The following DNER variants were observed in gnomAD, a reference collection of about 807,000 sequenced individuals.
DNER encodes delta and Notch-like epidermal growth factor-related receptor.
DNER carries 33 observed loss-of-function variants against 78.2 expected under a neutral mutation model. The observed-to-expected ratio is 0.42, with a 90% CI of 0.32 to 0.56. The LOEUF is 0.56. Ranked by LOEUF, DNER falls within the 20% of genes least tolerant of loss-of-function variation. The probability of loss-of-function intolerance (pLI) is 0.11; values close to 1 mark genes in which losing one functional copy is unlikely to be tolerated. For synonymous variants in DNER, 417 were observed against 384.8 expected (o/e 1.08, Z -0.98); for missense variants, 918 against 975.3 (o/e 0.94, Z 0.78).
At chr2:229,552,037 C>T (rs1411265117) in intron 4 of DNER, among the ~76,000 whole-genome samples, 1 of 152,088 alleles carries the variant, frequency 6.6e-6, no homozygotes, top group Non-Finnish European at 1.5e-5. Context: ...GTGTGGAATA[C>T]ATATACGTAA....
Position 229,547,147 on chromosome 2 carries a change from T to C in DNER, c.848-55A>G, listed in dbSNP as rs1226192100. ...TCAAGTGTCTCCTCTTTAAAGGCAGTGTGTTGAAAGCTTTACCAACAGCCT... is the reference window on the plus strand; with the variant it reads ...TCAAGTGTCTCCTCTTTAAAGGCAGCGTGTTGAAAGCTTTACCAACAGCCT... On this transcript the variant is annotated intron_variant, in intron 4 of 12. Coordinates refer to ENST00000341772, the MANE Select transcript of DNER (RefSeq NM_139072.4). The C allele has an allele frequency of 1.9e-6, 3 of 1,601,636 alleles. No individual in the cohort carries two copies. In the African/African-American group the frequency reaches 4.0e-5, roughly 21 times the overall value.
rs566295902 is a variant in DNER at position 229,667,847 on chromosome 2, G to A, written c.276+46301C>T. Among the ~76,000 whole-genome samples, 8 of 152,338 alleles carry A rather than the reference G, an allele frequency of 5.3e-5. No homozygotes were observed. In the South Asian group the frequency reaches 1.7e-3, roughly 32 times the overall value. On this transcript the variant is annotated intron_variant, in intron 1 of 12. Coordinates refer to ENST00000341772, the MANE Select transcript of DNER (RefSeq NM_139072.4). ...GTAGGTTTGGACAACAGCAAGGAGT[G>A]ATAATTTGCTTTCAGATAGTCATGG...
At position 229,591,852 on chromosome 2, in the gene DNER, G is replaced by A. The variant is rs766552760; in HGVS notation, c.313C>T (p.His105Tyr). The A allele has an allele frequency of 6.2e-7, 1 of 1,606,782 alleles. No individual in the cohort carries two copies. The highest frequency in any genetic ancestry group is 1.3e-5 in the African/African-American group (1 of 74,776). Residue 105 changes from histidine (H) to tyrosine (Y), a missense_variant, in exon 2 of 13, where the codon CAT (histidine) becomes TAT (tyrosine). Physicochemically the swap from His to Tyr is moderately conservative, Grantham distance 83. Transcript: ENST00000341772. This position sits in a 1 kb window ranked among gnomAD's most constrained non-coding sequence, Gnocchi z 4.6. ...CTGCTGCTGCTGCTGCAGTTGCCAT[G>A]GTGACAAGGGTTGCTGGCACAAGGA... is the stretch of plus-strand genomic sequence containing the variant. ...ADPCASNPCH[H>Y]GNCSSSSSSS...
chr2:229,464,106 G>A (rs893756034), intron 7 of DNER, among the ~76,000 whole-genome samples: 13 of 152,192 alleles, frequency 8.5e-5, no homozygotes, highest in Non-Finnish European at 8.8e-5. Context: ...AGTTGACTTG[G>A]CAGAAGAGGA....
At chr2:229,467,147 G>C (rs376543961) in intron 7 of DNER, among the ~76,000 whole-genome samples, 15 of 152,232 alleles carry the variant, frequency 9.9e-5, no homozygotes, top group Non-Finnish European at 1.3e-4. Flanking sequence ...CATTGCTAAG[G>C]GTAGGCTATT....
chr2:229,377,889 C>G (rs923833782), intron 11 of DNER, among the ~76,000 whole-genome samples: 2 of 152,120 alleles, frequency 1.3e-5, no homozygotes, highest in African/African-American at 4.8e-5. Flanking sequence ...CCTATCAATA[C>G]ATTATATGGC....
intron 8 of DNER, among the ~76,000 whole-genome samples, chr2:229,443,000 A>G (rs1694267332): frequency 6.6e-6 from 1 of 152,324 alleles, no homozygotes; most frequent in African/African-American, 2.4e-5. Flanking sequence ...CCTTTGGTGA[A>G]GAAGAATGGG....
At chr2:229,651,847 A>C (rs533529602) in intron 1 of DNER, among the ~76,000 whole-genome samples, 1 of 152,350 alleles carries the variant, frequency 6.6e-6, no homozygotes, top group South Asian at 2.1e-4. Flanking sequence ...ATGATCCGTC[A>C]GAACAACCCT....
At chr2:229,659,319 T>TA (rs1291056174) in intron 1 of DNER, among the ~76,000 whole-genome samples, 4 of 152,080 alleles carry the variant, frequency 2.6e-5, no homozygotes, top group African/African-American at 9.7e-5. Context: ...TACAAATTAC[T>TA]AAAAGAAGTG....
rs1287040003 is a variant in DNER at position 229,714,223 on chromosome 2, C to T, written c.201G>A (p.Pro67=). 1.4e-6 allele frequency: 2 copies of T among 1,397,130 alleles called. No individual in the cohort carries two copies. Among genetic ancestry groups the T allele is most frequent in the African/African-American group, 1.5e-5 (1 of 66,574 alleles). The allele number at this position is 1,397,130 out of a possible 1,614,324, so 86.5% of individuals were successfully genotyped here. The stretch of plus-strand genomic sequence containing the variant: ...GCTCGCCGGCGGGGGCCGGGTGCTG[C>T]GGGTCCGGCTCAGGGCGCGAGGTGC... The part of the protein sequence containing the change: ...GVCTSRPEPD[P]QHPAPAGEPG... The change falls in exon 1 of 13, where the codon CCG becomes CCA. Residue 67 remains proline (P), a synonymous_variant. Transcript: ENST00000341772.
intron 10 of DNER, among the ~76,000 whole-genome samples, chr2:229,392,167 T>C (rs1415756039): frequency 2.6e-5 from 4 of 151,870 alleles, no homozygotes; most frequent in African/African-American, 9.7e-5. Context: ...TTATTCAAGA[T>C]AAAGTGAGTT....
intron 1 of DNER, among the ~76,000 whole-genome samples, chr2:229,712,294 C>A (rs962185084): frequency 6.6e-6 from 1 of 152,192 alleles, no homozygotes; most frequent in Non-Finnish European, 1.5e-5. Context: ...CTACTTAGGA[C>A]AAATCAAAAT....
intron 1 of DNER, among the ~76,000 whole-genome samples, chr2:229,646,014 G>T (rs1014565980): frequency 4.6e-5 from 7 of 152,202 alleles, no homozygotes; most frequent in South Asian, 2.1e-4. Flanking sequence ...TTTGCCGGGA[G>T]ACCAAGGGGT....
At chr2:229,529,455 T>C (rs911028448) in intron 5 of DNER, among the ~76,000 whole-genome samples, 1 of 152,224 alleles carries the variant, frequency 6.6e-6, no homozygotes, top group Non-Finnish European at 1.5e-5. Context: ...CCTCGGAAGA[T>C]TGTTTCATCA....
At chr2:229,577,222 T>G (rs111559791) in intron 4 of DNER, among the ~76,000 whole-genome samples, 77 of 152,274 alleles carry the variant, frequency 5.1e-4, no homozygotes, top group African/African-American at 1.8e-3. Flanking sequence ...ACATGGGAAC[T>G]CCCTCCACCA....
chr2:229,464,699 A>G (rs1399812791), intron 7 of DNER, among the ~76,000 whole-genome samples: 1 of 152,174 alleles, frequency 6.6e-6, no homozygotes, highest in Non-Finnish European at 1.5e-5. Context: ...GTAAATAGGT[A>G]TCCTCAGTCA....
At chr2:229,700,184 C>T (rs1699721153) in intron 1 of DNER, among the ~76,000 whole-genome samples, 1 of 152,052 alleles carries the variant, frequency 6.6e-6, no homozygotes, top group South Asian at 2.1e-4. Context: ...TAGGCATTCT[C>T]ATATGCTGTC....
At chr2:229,707,180 A>ATTTTTTTTTTTTTTTTTTTTTTTTTTTTT (rs397868353) in intron 1 of DNER, among the ~76,000 whole-genome samples, 1 of 94,610 alleles carries the variant, frequency 1.1e-5, no homozygotes, top group Non-Finnish European at 1.9e-5. Flanking sequence ...CGGCTGGCTA[A>ATTTTTTTTTTTTTTTTTTTTTTTTTTTTT]TTTTTTTTTT....
At chr2:229,618,147 T>C (rs1698197563) in intron 1 of DNER, among the ~76,000 whole-genome samples, 1 of 152,184 alleles carries the variant, frequency 6.6e-6, no homozygotes, top group Non-Finnish European at 1.5e-5. Context: ...ATGTAGGCAA[T>C]AGAGCATAAT....
Sources: allele counts gnomAD v4.1 joint callset (sites outside exome capture counted in the v4.1 genomes callset), GRCh38; gene constraint gnomAD v4.1.1; non-coding constraint Gnocchi (gnomAD v3.1); transcripts MANE v1.5; gene names NCBI Gene and HGNC (gene_info 2026-07-23, HGNC 2026-07-21).